The following SHROOM2 variants were observed in gnomAD, a reference collection of about 807,000 sequenced individuals.
SHROOM2 encodes shroom family member 2, also known as protein Shroom2.
SHROOM2 carries 33 observed loss-of-function variants against 75.9 expected under a neutral mutation model. That is an observed-to-expected ratio of 0.43 (90% CI 0.33 to 0.58). The LOEUF (loss-of-function observed/expected upper bound fraction) is 0.58. SHROOM2 is among the 20% of genes least tolerant of loss of function. The pLI is 0.04. For synonymous variants in SHROOM2, 655 were observed against 663.6 expected (o/e 0.99, Z 0.20); for missense variants, 1,434 against 1,461.2 (o/e 0.98, Z 0.30).
chrX:9,830,617 T>G (rs2083911147), intron 1 of SHROOM2, among the ~76,000 whole-genome samples: 1 of 51,360 alleles, frequency 1.9e-5, no homozygotes, highest in South Asian at 9.1e-4. Flanking sequence ...TTTTTTTTTT[T>G]TGAGACAGAG....
chrX:9,822,460 C>T (rs758362282), intron 1 of SHROOM2, among the ~76,000 whole-genome samples: 2 of 112,676 alleles, frequency 1.8e-5, no homozygotes, highest in African/African-American at 3.2e-5. Context: ...AATTAGGAAG[C>T]CTTGTCCTAC....
At chrX:9,847,253 T>C (rs1260279274) in intron 1 of SHROOM2, among the ~76,000 whole-genome samples, 1 of 112,395 alleles carries the variant, frequency 8.9e-6, no homozygotes, top group Non-Finnish European at 1.9e-5. Context: ...GGGGATTTTG[T>C]TTTTATTACA....
chrX:9,850,103 G>A (rs747420945), intron 1 of SHROOM2, among the ~76,000 whole-genome samples: 2 of 111,506 alleles, frequency 1.8e-5, no homozygotes, highest in South Asian at 7.5e-4. Flanking sequence ...GGTGTGTATT[G>A]TCCCTCTCAT....
chrX:9,802,003 T>C (rs1458858990), intron 1 of SHROOM2, among the ~76,000 whole-genome samples: 1 of 111,655 alleles, frequency 9.0e-6, no homozygotes, highest in Non-Finnish European at 1.9e-5. Context: ...ATTTGACATA[T>C]TCCTTTTTAC....
chrX:9,836,249 A>G lies in SHROOM2; in HGVS notation c.166-37403A>G, dbSNP rs141945071. 1.5e-4 allele frequency among the ~76,000 whole-genome samples: 17 copies of G among 112,149 alleles called. No individual in the cohort carries two copies. In the East Asian group the frequency reaches 4.8e-3, roughly 32 times the overall value. On this transcript the variant is annotated intron_variant, in intron 1 of 9. Transcript: ENST00000380913. ...GACAGCTGCCCTTGGGTAAAAGTGG[A>G]CCATGCTCAGCCTCAGTTTTCTCTC...
chrX:9,792,031 G>C (rs1342371068), intron 1 of SHROOM2, among the ~76,000 whole-genome samples: 1 of 106 alleles, frequency 9.4e-3, no homozygotes, highest in Non-Finnish European at 0.023. Flanking sequence ...GAATAGAATA[G>C]AATAGAATAG....
At chrX:9,862,378 A>G (rs1336992450) in intron 1 of SHROOM2, among the ~76,000 whole-genome samples, 1 of 109,737 alleles carries the variant, frequency 9.1e-6, no homozygotes, top group African/African-American at 3.3e-5. Flanking sequence ...TCGATGGAAG[A>G]TGGCTCACTA....
chrX:9,803,907 G>C (rs2083737725), intron 1 of SHROOM2, among the ~76,000 whole-genome samples: 1 of 111,180 alleles, frequency 9.0e-6, no homozygotes, highest in Non-Finnish European at 1.9e-5. Context: ...TTATGTGCGT[G>C]TGGTGGATAT....
At chrX:9,937,025 T>C in intron 6 of SHROOM2, 109 bp from the exon 7 acceptor site, 1 of 810,046 alleles carries the variant, frequency 1.2e-6, no homozygotes, top group Non-Finnish European at 1.7e-6. Flanking sequence ...GGTGGCTGGC[T>C]AGTGCCTTTG....
intron 7 of SHROOM2, 98 bp from the exon 8 acceptor site, chrX:9,939,097 G>A: frequency 1.1e-5 from 8 of 726,838 alleles, no homozygotes; most frequent in Non-Finnish European, 1.5e-5. Flanking sequence ...GTCCTTTCGT[G>A]AGCACCAGTG....
At chrX:9,873,142 T>C (rs1209993681) in intron 1 of SHROOM2, among the ~76,000 whole-genome samples, 1 of 111,575 alleles carries the variant, frequency 9.0e-6, no homozygotes, top group Non-Finnish European at 1.9e-5. Context: ...GGAAACCGAG[T>C]AGTAATGAGC....
chrX:9,811,015 G>A (rs1366693228), intron 1 of SHROOM2, among the ~76,000 whole-genome samples: 3 of 112,061 alleles, frequency 2.7e-5, no homozygotes, highest in Admixed American at 1.9e-4. Context: ...AAGGCATTCC[G>A]TGAGTCCACA....
intron 7 of SHROOM2, among the ~76,000 whole-genome samples, chrX:9,938,568 A>T (rs1158500237): frequency 1.8e-5 from 2 of 112,057 alleles, no homozygotes; most frequent in Non-Finnish European, 3.8e-5. Flanking sequence ...ATAGAAATGA[A>T]AAAAAATTAC....
intron 5 of SHROOM2, 125 bp downstream of exon 5, chrX:9,898,415 C>CA: frequency 1.9e-6 from 1 of 522,108 alleles, no homozygotes; most frequent in Non-Finnish European, 3.2e-6. Flanking sequence ...CGGCTGAAAT[C>CA]CGGCGTGATT....
At chrX:9,820,603 G>T (rs916297375) in intron 1 of SHROOM2, among the ~76,000 whole-genome samples, 9 of 111,998 alleles carry the variant, frequency 8.0e-5, no homozygotes, top group Non-Finnish European at 1.1e-4. Flanking sequence ...GGGCTCAAGT[G>T]ATCCTCCTGC....
chrX:9,899,887 G>A (rs1282428946), intron 5 of SHROOM2, among the ~76,000 whole-genome samples: 1 of 112,268 alleles, frequency 8.9e-6, no homozygotes, highest in African/African-American at 3.2e-5. Flanking sequence ...GTGCTCGATG[G>A]GCTCTGCACA....
intron 1 of SHROOM2, among the ~76,000 whole-genome samples, chrX:9,862,136 GAA>G (rs2084107689): frequency 9.0e-6 from 1 of 111,625 alleles, no homozygotes; most frequent in Admixed American, 9.5e-5. Flanking sequence ...GGCTCTTTGT[GAA>G]AAAGTTTGCT....
At chrX:9,911,462 G>A (rs2084425027) in intron 5 of SHROOM2, among the ~76,000 whole-genome samples, 1 of 111,978 alleles carries the variant, frequency 8.9e-6, no homozygotes, top group African/African-American at 3.3e-5. Context: ...TATGAATGTA[G>A]AAGAGGGTGA....
chrX:9,912,417 C>G (rs960036865), intron 5 of SHROOM2: 1 of 111,691 alleles, frequency 9.0e-6, no homozygotes, highest in African/African-American at 3.3e-5. Flanking sequence ...GTTGACGGAG[C>G]CTGCGTGAGC....
Sources: allele counts gnomAD v4.1 joint callset (sites outside exome capture counted in the v4.1 genomes callset), GRCh38; gene constraint gnomAD v4.1.1; transcripts MANE v1.5; gene names NCBI Gene and HGNC (gene_info 2026-07-23, HGNC 2026-07-21).